Variants in SCN1A observed in about 807,000 individuals in gnomAD.
SCN1A encodes the protein sodium channel protein type 1 subunit alpha.
SCN1A carries 13 observed loss-of-function variants against 193.7 expected under a neutral mutation model. The observed-to-expected ratio is 0.07, with a 90% CI of 0.04 to 0.11. The LOEUF (loss-of-function observed/expected upper bound fraction) is 0.11, where lower values mean the gene tolerates loss of function less well. Among genes scored for constraint, SCN1A ranks in the 10% least tolerant of loss-of-function variants. The probability of loss-of-function intolerance (pLI) is 1.00; values close to 1 mark genes in which losing one functional copy is unlikely to be tolerated. For synonymous variants in SCN1A, 781 were observed against 843.6 expected, an observed-to-expected ratio of 0.93 and a Z score of 1.29; for missense variants, 1,432 against 2,451.1, an observed-to-expected ratio of 0.58 and a Z score of 8.78.
intron 2 of SCN1A, among the ~76,000 whole-genome samples, chr2:166,121,118 G>GAAAAAAAAAAAAAA (rs11299049): frequency 2.1e-5 from 2 of 96,492 alleles, no homozygotes; most frequent in African/African-American, 3.7e-5. Flanking sequence ...GGAAAAAAAA[G>GAAAAAAAAAAAAAA]AAAAAAAAAA....
chr2:166,071,959 A>C (rs1431754267), intron 4 of SCN1A: 1 of 151,504 alleles, frequency 6.6e-6, no homozygotes, highest in African/African-American at 2.4e-5. Context: ...TTAAAAAAAA[A>C]TCTGAACCTA....
In SCN1A at chr2:165,989,044, GT is replaced by G. The variant is rs1231702371; in HGVS notation, c.*2200del. Reference sequence around the variant, plus strand: ...GGTATGCCTCTGTGTGTGTGTGTGTGTGTGTGTGTGTGTGTGTGTGTGTGCG... The same window carrying G: ...GGTATGCCTCTGTGTGTGTGTGTGTGGTGTGTGTGTGTGTGTGTGTGTGCG... On this transcript the variant is annotated 3_prime_UTR_variant, in exon 29 of 29. Coordinates refer to ENST00000674923, the MANE Select transcript of SCN1A (RefSeq NM_001165963.4). The G allele has an allele frequency of 8.1e-5, 4 of 49,664 alleles. No homozygotes were observed. Among genetic ancestry groups the G allele is most frequent in the African/African-American group, 1.6e-4 (4 of 24,348 alleles). The allele number at this position is 49,664 out of a possible 1,614,324, so 3.1% of individuals were successfully genotyped here.
chr2:166,013,043 TTCTC>T (rs1432878296), intron 21 of SCN1A, among the ~76,000 whole-genome samples: 1 of 151,464 alleles, frequency 6.6e-6, no homozygotes, highest in Non-Finnish European at 1.5e-5. Context: ...CAAACTCTGT[TTCTC>T]TCTCTTTCTT....
chr2:166,143,309 G>A (rs1466102163), intron 1 of SCN1A, among the ~76,000 whole-genome samples: 1 of 151,870 alleles, frequency 6.6e-6, no homozygotes, highest in African/African-American at 2.4e-5. Flanking sequence ...TGGGACTACA[G>A]GCGCCTGCCA....
chr2:166,027,988 T>C (rs991866807), intron 19 of SCN1A, among the ~76,000 whole-genome samples: 2 of 152,204 alleles, frequency 1.3e-5, no homozygotes, highest in South Asian at 2.1e-4. Context: ...TTATTCCCAG[T>C]TGATTTCTTC....
intron 2 of SCN1A, among the ~76,000 whole-genome samples, chr2:166,104,728 C>A (rs925482806): frequency 2.0e-5 from 3 of 152,102 alleles, no homozygotes; most frequent in African/African-American, 7.2e-5. Context: ...CGTGACAGAG[C>A]CAGATCTTGT....
chr2:166,008,321 A>C (rs2105556259), intron 23 of SCN1A, among the ~76,000 whole-genome samples: 1 of 151,390 alleles, frequency 6.6e-6, no homozygotes, highest in South Asian at 2.1e-4. Flanking sequence ...TAAAAGGTTT[A>C]TAATATTTTC....
At chr2:166,013,026 A>G (rs1276414272) in intron 21 of SCN1A, among the ~76,000 whole-genome samples, 2 of 151,312 alleles carry the variant, frequency 1.3e-5, no homozygotes, top group Non-Finnish European at 3.0e-5. Context: ...CTTGCATTTC[A>G]ATCAGGCAAA....
chr2:166,049,186 A>G (rs527848770), intron 9 of SCN1A, among the ~76,000 whole-genome samples: 100 of 105,962 alleles, frequency 9.4e-4, no homozygotes, highest in African/African-American at 2.7e-3. Flanking sequence ...ATACAGTGCA[A>G]AGATACTTTA....
chr2:166,025,283 T>C (rs1017586268), intron 19 of SCN1A, among the ~76,000 whole-genome samples: 1 of 152,182 alleles, frequency 6.6e-6, no homozygotes, highest in Admixed American at 6.5e-5. Context: ...AGTTCATTTC[T>C]CATAATTATA....
chr2:166,028,410 T>C lies in SCN1A; in HGVS notation c.3429+7638A>G, dbSNP rs190129846. 5.3e-4 allele frequency among the ~76,000 whole-genome samples: 81 copies of C among 152,316 alleles called. No individual in the cohort carries two copies. In the Middle Eastern group the frequency reaches 0.027, roughly 51 times the overall value. On this transcript the variant is annotated intron_variant, in intron 19 of 28. Transcript: ENST00000674923. ...GTTATTTTGACATTGATTTTTAATG[T>C]TAAATTATAACATACTTAATAAGTG...
Position 166,054,630 on chromosome 2 carries a change from G to A in SCN1A, c.602+8C>T. 2 of 1,611,682 alleles carry A rather than the reference G, an allele frequency of 1.2e-6. No homozygotes were observed. Among genetic ancestry groups the A allele is most frequent in the Non-Finnish European group, 1.7e-6 (2 of 1,178,370 alleles). ...GTTCTCTCTTAAAGTTTCAAAAAAG[G>A]CACTTACGCAAATGTAATGACAGTG... On this transcript the variant is annotated splice_region_variant and intron_variant, in intron 7 of 28. Transcript: ENST00000674923.
chr2:166,019,158 T>G (rs974652521), intron 19 of SCN1A, among the ~76,000 whole-genome samples: 3 of 152,032 alleles, frequency 2.0e-5, no homozygotes, highest in African/African-American at 7.2e-5. Context: ...TACTTCTAAG[T>G]GTGCTTTCTT....
At position 166,054,595 on chromosome 2, in the gene SCN1A, A is replaced by C. The variant is rs530467419; in HGVS notation, c.602+43T>G. 37 of 1,608,156 alleles carry C rather than the reference A, an allele frequency of 2.3e-5. No individual in the cohort carries two copies. In the African/African-American group the frequency reaches 3.9e-4, roughly 17 times the overall value. On this transcript the variant is annotated intron_variant, in intron 7 of 28. Transcript: ENST00000674923. ...TTAAAAGCATAAGCACTGATGGAAA[A>C]CCAAACTATGTTCTCTCTTAAAGTT...
At chr2:166,036,983 C>T (rs1696468586) in intron 18 of SCN1A, among the ~76,000 whole-genome samples, 1 of 152,140 alleles carries the variant, frequency 6.6e-6, no homozygotes, top group Non-Finnish European at 1.5e-5. Context: ...AGATTAGGAG[C>T]TTAACATAGG....
At chr2:166,134,825 C>A (rs749081988) in intron 1 of SCN1A, among the ~76,000 whole-genome samples, 5 of 152,134 alleles carry the variant, frequency 3.3e-5, no homozygotes, top group Non-Finnish European at 7.3e-5. Flanking sequence ...GAGCTTTATA[C>A]CCCTCCTTTA....
intron 2 of SCN1A, among the ~76,000 whole-genome samples, chr2:166,081,327 C>T (rs574893531): frequency 1.3e-5 from 2 of 152,078 alleles, no homozygotes; most frequent in African/African-American, 2.4e-5. Flanking sequence ...GAAGTCTTAA[C>T]TGTAAAGGCA....
intron 2 of SCN1A, among the ~76,000 whole-genome samples, chr2:166,112,682 C>T (rs1689423975): frequency 6.6e-6 from 1 of 152,094 alleles, no homozygotes. Flanking sequence ...GACATAAGAG[C>T]TTCTATAATC....
intron 2 of SCN1A, among the ~76,000 whole-genome samples, chr2:166,102,368 C>T (rs531832027): frequency 1.3e-5 from 2 of 151,740 alleles, no homozygotes; most frequent in East Asian, 1.9e-4. Flanking sequence ...TGGTGGTGGG[C>T]GCCTGTAGTC....
Sources: allele counts gnomAD v4.1 joint callset (sites outside exome capture counted in the v4.1 genomes callset), GRCh38; gene constraint gnomAD v4.1.1; transcripts MANE v1.5; gene names NCBI Gene and HGNC (gene_info 2026-07-23, HGNC 2026-07-21).